Variants in RHOBTB1 observed in about 807,000 individuals in gnomAD.
RHOBTB1 encodes the protein Rho related BTB domain containing 1.
A neutral mutation model predicts 71.6 loss-of-function variants in RHOBTB1; 40 were observed. The ratio of observed to expected loss-of-function variants is 0.56; its 90% CI spans 0.43 to 0.73. RHOBTB1 has a LOEUF of 0.73. Ranked by LOEUF, RHOBTB1 falls within the 30% of genes least tolerant of loss-of-function variation. The probability of loss-of-function intolerance (pLI) is 0.00; values close to 1 mark genes in which losing one functional copy is unlikely to be tolerated. For missense variants in RHOBTB1, 797 were observed against 894.0 expected (o/e 0.89, Z 1.38); for synonymous variants, 319 against 334.9 (o/e 0.95, Z 0.52).
chr10:60,956,179 A>G (rs1589415400), intron 2 of RHOBTB1, among the ~76,000 whole-genome samples: 1 of 152,314 alleles, frequency 6.6e-6, no homozygotes, highest in East Asian at 1.9e-4. Flanking sequence ...ATGTTACTGG[A>G]TTGAATCCTG....
intron 4 of RHOBTB1, among the ~76,000 whole-genome samples, chr10:60,901,280 T>C (rs977164125): frequency 1.3e-5 from 2 of 152,336 alleles, no homozygotes; most frequent in African/African-American, 2.4e-5. Flanking sequence ...TGGACTAATT[T>C]TGAAAGTCTA....
intron 1 of RHOBTB1, among the ~76,000 whole-genome samples, chr10:60,992,335 G>A (rs571242431): frequency 6.6e-6 from 1 of 152,214 alleles, no homozygotes; most frequent in South Asian, 2.1e-4. Context: ...AAGATATGAA[G>A]GTAGTATTTT....
At chr10:60,889,307 T>C (rs2081793731) in intron 5 of RHOBTB1, 122 bp from the exon 6 acceptor site, 1 of 927,646 alleles carries the variant, frequency 1.1e-6, no homozygotes, top group African/African-American at 1.7e-5. Context: ...TTTTAGTCTC[T>C]GGAAAAATCT....
intron 2 of RHOBTB1, among the ~76,000 whole-genome samples, chr10:60,956,790 C>T (rs913531693): frequency 4.0e-5 from 6 of 151,546 alleles, no homozygotes; most frequent in Non-Finnish European, 7.4e-5. Flanking sequence ...TATTATCAAA[C>T]AGTAATTAGG....
At chr10:60,966,743 T>C (rs1221289982) in intron 2 of RHOBTB1, among the ~76,000 whole-genome samples, 2 of 151,768 alleles carry the variant, frequency 1.3e-5, no homozygotes, top group Non-Finnish European at 2.9e-5. Context: ...AACGTGCAGG[T>C]TTGTTACATA....
chr10:60,907,366 T>C (rs529612121), intron 4 of RHOBTB1, among the ~76,000 whole-genome samples: 1 of 152,290 alleles, frequency 6.6e-6, no homozygotes, highest in African/African-American at 2.4e-5. Context: ...TTGAGCGACA[T>C]CCCTTTAAGA....
chr10:60,897,802 G>A (rs542452795), intron 4 of RHOBTB1, among the ~76,000 whole-genome samples: 2 of 152,250 alleles, frequency 1.3e-5, no homozygotes, highest in African/African-American at 2.4e-5. Context: ...CACCTCCCGG[G>A]TTCAAGCAAC....
chr10:60,981,064 G>A (rs193004934), intron 2 of RHOBTB1, among the ~76,000 whole-genome samples: 222 of 152,212 alleles, frequency 1.5e-3, no homozygotes, highest in Admixed American at 3.1e-3. Flanking sequence ...TCCTTACTGG[G>A]AAATTCTATG....
intron 8 of RHOBTB1, 111 bp from the exon 9 acceptor site, chr10:60,875,153 A>C: frequency 1.4e-6 from 1 of 733,932 alleles, no homozygotes; most frequent in Non-Finnish European, 2.4e-6. Flanking sequence ...TGTGGGACAC[A>C]GCTCTGGGCA....
chr10:60,905,544 A>G (rs751419551), intron 4 of RHOBTB1, among the ~76,000 whole-genome samples: 67 of 151,822 alleles, frequency 4.4e-4, no homozygotes, highest in Non-Finnish European at 7.8e-4. Flanking sequence ...AGCATGAGTA[A>G]CAGTGCCATA....
chr10:60,883,258 G>T (rs573512346), intron 7 of RHOBTB1, among the ~76,000 whole-genome samples: 39 of 152,290 alleles, frequency 2.6e-4, no homozygotes, highest in African/African-American at 8.9e-4. Context: ...TCTAAGTGGT[G>T]AGGGACCTCA....
downstream of RHOBTB1, among the ~76,000 whole-genome samples, chr10:60,865,862 C>T (rs1198214883): frequency 2.0e-5 from 3 of 152,096 alleles, no homozygotes; most frequent in Non-Finnish European, 4.4e-5. Flanking sequence ...GACATAGTCT[C>T]GCTCTGTCAC....
chr10:60,988,181 G>A (rs1019700703), intron 1 of RHOBTB1, among the ~76,000 whole-genome samples: 2 of 151,694 alleles, frequency 1.3e-5, no homozygotes, highest in African/African-American at 2.4e-5. Context: ...TGATCTGCCC[G>A]CCTCGGCCTC....
intron 2 of RHOBTB1, among the ~76,000 whole-genome samples, chr10:60,923,468 G>A (rs2083683317): frequency 6.6e-6 from 1 of 152,184 alleles, no homozygotes; most frequent in East Asian, 1.9e-4. Flanking sequence ...ACTTGAAAAT[G>A]TTGTAAAATT....
chr10:60,972,638 A>G (rs1022749247), intron 2 of RHOBTB1, among the ~76,000 whole-genome samples: 1 of 152,136 alleles, frequency 6.6e-6, no homozygotes, highest in African/African-American at 2.4e-5. Flanking sequence ...TGCCTATGTA[A>G]CAAACCTGTA....
At chr10:60,914,813 G>A (rs559944055) in intron 2 of RHOBTB1, among the ~76,000 whole-genome samples, 1 of 152,292 alleles carries the variant, frequency 6.6e-6, no homozygotes, top group African/African-American at 2.4e-5. Flanking sequence ...GAATTTCTGT[G>A]TCAAAGGTGA....
chr10:60,904,599 TG>T (rs2082572077), intron 4 of RHOBTB1, among the ~76,000 whole-genome samples: 2 of 152,334 alleles, frequency 1.3e-5, no homozygotes, highest in Admixed American at 1.3e-4. Flanking sequence ...CCCTTCTGGC[TG>T]AGGTTTGGTA....
intron 2 of RHOBTB1, among the ~76,000 whole-genome samples, chr10:60,980,529 T>C (rs1015203037): frequency 9.9e-5 from 15 of 152,050 alleles, no homozygotes; most frequent in African/African-American, 3.6e-4. Context: ...CCTTTGCTTA[T>C]TGAGAGTTTT....
Position 60,896,429 on chromosome 10 carries a change from G to C in RHOBTB1, c.297-3434C>G, listed in dbSNP as rs375887731. Among the ~76,000 whole-genome samples, 22 of 152,244 alleles carry C rather than the reference G, an allele frequency of 1.4e-4. No individual in the cohort carries two copies. The East Asian group carries it at 2.3e-3, about 16-fold the overall frequency. ...GTTTCAGCTGTAAAAGAATCAAATA[G>C]GATTTAAATGGAGTCCTACAGATAT... On this transcript the variant is annotated intron_variant, in intron 4 of 10. Coordinates refer to ENST00000337910, the MANE Select transcript of RHOBTB1 (RefSeq NM_014836.5).
Sources: gnomAD v4.1 joint callset for allele counts (sites outside exome capture counted in the v4.1 genomes callset) on GRCh38, gnomAD v4.1.1 for gene constraint, MANE v1.5 for transcripts, NCBI Gene and HGNC (gene_info 2026-07-23, HGNC 2026-07-21) for gene names.